Variants in SAMD12 observed in about 807,000 individuals in gnomAD.
The protein encoded by SAMD12 is sterile alpha motif domain-containing protein 12.
SAMD12 carries 9 observed loss-of-function variants against 15.0 expected under a neutral mutation model. That is an observed-to-expected ratio of 0.60 (90% confidence interval 0.36 to 1.05). SAMD12 has a LOEUF of 1.05. Ranked by LOEUF, SAMD12 falls within the 50% of genes least tolerant of loss-of-function variation. The pLI is 0.01. For missense variants in SAMD12, 230 were observed against 234.2 expected, an observed-to-expected ratio of 0.98 and a Z score of 0.12; for synonymous variants, 86 against 90.1, an observed-to-expected ratio of 0.96 and a Z score of 0.25.
At chr8:118,398,651 C>T (rs895268043) in intron 3 of SAMD12, among the ~76,000 whole-genome samples, 1 of 151,922 alleles carries the variant, frequency 6.6e-6, no homozygotes, top group Non-Finnish European at 1.5e-5. Flanking sequence ...CTAGAAAAAC[C>T]GAACTTAACT....
intron 4 of SAMD12, among the ~76,000 whole-genome samples, chr8:118,324,210 C>T (rs551828156): frequency 6.6e-6 from 1 of 152,200 alleles, no homozygotes; most frequent in East Asian, 1.9e-4. Flanking sequence ...GAAAAGATTT[C>T]AACAAAGAAC....
chr8:118,247,203 A>C (rs1194562384), intron 4 of SAMD12, among the ~76,000 whole-genome samples: 1 of 152,136 alleles, frequency 6.6e-6, no homozygotes, highest in Non-Finnish European at 1.5e-5. Flanking sequence ...AAATCTAAAA[A>C]AGTTGAACTC....
At chr8:118,195,549 C>G (rs1173152356) in exon 5 of SAMD12, 1 of 152,318 alleles carries the variant, frequency 6.6e-6, no homozygotes, top group Non-Finnish European at 1.5e-5. Flanking sequence ...AAATATGTGG[C>G]CTGATGCAGT....
At chr8:118,285,563 T>C (rs970901097) in intron 4 of SAMD12, among the ~76,000 whole-genome samples, 1 of 152,224 alleles carries the variant, frequency 6.6e-6, no homozygotes, top group Admixed American at 6.5e-5. Context: ...CGCCCACTAT[T>C]GTGCAACAGC....
At chr8:118,578,511 G>A (rs1827206129) in intron 2 of SAMD12, among the ~76,000 whole-genome samples, 1 of 152,156 alleles carries the variant, frequency 6.6e-6, no homozygotes, top group African/African-American at 2.4e-5. Flanking sequence ...TGTAAGGTAG[G>A]TTTAAAGTAG....
chr8:118,292,562 A>C (rs1235937299), intron 4 of SAMD12, among the ~76,000 whole-genome samples: 1 of 152,068 alleles, frequency 6.6e-6, no homozygotes. Flanking sequence ...TATATACCCA[A>C]ATGACTATAA....
intron 1 of SAMD12, 199 bp downstream of exon 1, chr8:118,621,605 C>G: frequency 1.6e-6 from 1 of 628,994 alleles, no homozygotes. Flanking sequence ...CTACCCTTCA[C>G]GTCTCTCCAA....
At chr8:118,319,335 CA>C (rs1313709093) in intron 4 of SAMD12, among the ~76,000 whole-genome samples, 1 of 152,088 alleles carries the variant, frequency 6.6e-6, no homozygotes, top group Non-Finnish European at 1.5e-5. Context: ...CTTCCTGACC[CA>C]CTTCTCTCCC....
At chr8:118,226,609 T>G (rs1812194516) in intron 4 of SAMD12, among the ~76,000 whole-genome samples, 1 of 152,228 alleles carries the variant, frequency 6.6e-6, no homozygotes. Context: ...CTATATGCTG[T>G]GCACTTTGTA....
At chr8:118,161,160 A>G in the SAMD12 span, among the ~76,000 whole-genome samples, 1 of 152,198 alleles carries the variant, frequency 6.6e-6, no homozygotes, top group Non-Finnish European at 1.5e-5. Flanking sequence ...TCCATGGTGT[A>G]TATGTGCCAC....
At position 118,384,137 on chromosome 8, in the gene SAMD12, C is replaced by T. The variant is rs187957626; in HGVS notation, c.323-4437G>A. Among the ~76,000 whole-genome samples, 244 of 152,126 alleles carry T rather than the reference C, an allele frequency of 1.6e-3. 3 individuals carry two copies. In the Middle Eastern group the frequency reaches 0.02, roughly 13 times the overall value. On this transcript the variant is annotated intron_variant, in intron 3 of 3. Transcript: ENST00000314727. ...GAGAATGAGGGAATAGAAGTGTCAA[C>T]GCAATTAGAGGAATGACAGGGAGAT...
chr8:118,550,845 A>C (rs1017874148), intron 2 of SAMD12, among the ~76,000 whole-genome samples: 6 of 151,096 alleles, frequency 4.0e-5, no homozygotes, highest in East Asian at 1.9e-4. Flanking sequence ...TCTACCAAGC[A>C]AATGGAAAAC....
At chr8:118,608,651 GCAC>G (rs1301453087) in intron 1 of SAMD12, among the ~76,000 whole-genome samples, 2 of 152,004 alleles carry the variant, frequency 1.3e-5, no homozygotes, top group African/African-American at 4.8e-5. Context: ...CTACAGGTGT[GCAC>G]CACCACACCT....
At chr8:118,228,078 C>T (rs998581113) in intron 4 of SAMD12, among the ~76,000 whole-genome samples, 1 of 152,118 alleles carries the variant, frequency 6.6e-6, no homozygotes, top group African/African-American at 2.4e-5. Context: ...AAGTGGTTAG[C>T]CACATGTAGG....
chr8:118,425,570 C>T (rs912372683), intron 3 of SAMD12, among the ~76,000 whole-genome samples: 4 of 152,086 alleles, frequency 2.6e-5, no homozygotes, highest in Admixed American at 6.5e-5. Flanking sequence ...AAAACAGGGA[C>T]AACAGAATGG....
chr8:118,371,450 G>A (rs962892021), intron 4 of SAMD12, among the ~76,000 whole-genome samples: 1 of 151,980 alleles, frequency 6.6e-6, no homozygotes, highest in Non-Finnish European at 1.5e-5. Context: ...GGAAAGATGG[G>A]AAACTCACTT....
At chr8:118,351,609 G>T (rs1817968699) in intron 4 of SAMD12, among the ~76,000 whole-genome samples, 1 of 152,042 alleles carries the variant, frequency 6.6e-6, no homozygotes, top group Non-Finnish European at 1.5e-5. Context: ...GTGTATGTAG[G>T]ATTGACATAC....
Position 118,520,367 on chromosome 8 carries a change from A to G in SAMD12, c.192+60348T>C, listed in dbSNP as rs188209951. ...ACTGGCAGGCATGGTAAGAGATCAT[A>G]CTGTACGGGTGTGAGATACTTGAAA... On this transcript the variant is annotated intron_variant, in intron 2 of 3. Transcript: ENST00000314727. Among the ~76,000 whole-genome samples the G allele has an allele frequency of 6.8e-4, 104 of 152,312 alleles. 1 individual carries two copies. The highest frequency in any genetic ancestry group is 6.8e-3 in the Middle Eastern group (2 of 294).
chr8:118,551,499 C>G (rs1023153586), intron 2 of SAMD12, among the ~76,000 whole-genome samples: 1 of 151,814 alleles, frequency 6.6e-6, no homozygotes, highest in Non-Finnish European at 1.5e-5. Flanking sequence ...ACACAACATA[C>G]CAGAATCTCT....
Sources: allele counts gnomAD v4.1 joint callset (sites outside exome capture counted in the v4.1 genomes callset), GRCh38; gene constraint gnomAD v4.1.1; transcripts MANE v1.5; gene names NCBI Gene and HGNC (gene_info 2026-07-23, HGNC 2026-07-21).